The following HEATR1 variants were observed in gnomAD, a reference collection of about 807,000 sequenced individuals.
HEATR1 encodes the protein HEAT repeat containing 1, also known as HEAT repeat-containing protein 1.
In HEATR1, 77 loss-of-function variants were observed where a neutral mutation model predicts 248.2. The ratio of observed to expected loss-of-function variants is 0.31; its 90% CI spans 0.26 to 0.37. The LOEUF (loss-of-function observed/expected upper bound fraction) is 0.37. Among genes scored for constraint, HEATR1 ranks in the 10% least tolerant of loss-of-function variants. The pLI is 1.00. For missense variants in HEATR1, 2,420 were observed against 2,504.9 expected (o/e 0.97, Z 0.72); for synonymous variants, 897 against 923.1 (o/e 0.97, Z 0.51).
chr1:236,591,855 A>T, intron 11 of HEATR1, 138 bp downstream of exon 11: 1 of 523,036 alleles, frequency 1.9e-6, no homozygotes, highest in South Asian at 3.8e-5. Context: ...ACTTCAGGCA[A>T]CTAGGCAAAC....
chr1:236,583,210 G>C lies in HEATR1; in HGVS notation c.2242-14C>G. The C allele has an allele frequency of 6.3e-7, 1 of 1,575,280 alleles. No homozygotes were observed. The highest frequency in any genetic ancestry group is 8.6e-7 in the Non-Finnish European group (1 of 1,162,390). Reference sequence around the variant, plus strand: ...TGAGGGGATTTCCTGAAATGTTAAAGGAAACAAAAACTAGTACAAACTAAG... The same window carrying C: ...TGAGGGGATTTCCTGAAATGTTAAACGAAACAAAAACTAGTACAAACTAAG... On this transcript the variant is annotated splice_polypyrimidine_tract_variant and intron_variant, in intron 17 of 44. Transcript: ENST00000366582.
chr1:236,557,423 A>T lies in HEATR1; in HGVS notation c.5205-78T>A, dbSNP rs1663008438. ...GGAATGGAGTAGAGGGCATTATGAA[A>T]AAAACCAGCAAACTGTGCCTATTAC... On this transcript the variant is annotated intron_variant, in intron 36 of 44. Coordinates refer to ENST00000366582, the MANE Select transcript of HEATR1 (RefSeq NM_018072.6). 6 of 1,461,688 alleles carry T rather than the reference A, an allele frequency of 4.1e-6. No homozygotes were observed. In the South Asian group the frequency reaches 6.5e-5, roughly 16 times the overall value. 90.5% of individuals were successfully genotyped at this position (1,461,688 alleles called of 1,614,324 possible).
intron 26 of HEATR1, among the ~76,000 whole-genome samples, 173 bp downstream of exon 26, chr1:236,572,238 T>C (rs922579655): frequency 1.1e-4 from 17 of 152,180 alleles, no homozygotes; most frequent in Admixed American, 9.8e-4. Context: ...TAAGGTCAGT[T>C]TGGGGCACCA....
intron 28 of HEATR1, among the ~76,000 whole-genome samples, chr1:236,570,826 C>T (rs1160585331): frequency 6.6e-6 from 1 of 152,006 alleles, no homozygotes; most frequent in Non-Finnish European, 1.5e-5. Context: ...TGGAGAACCC[C>T]AGGTTAAGGA....
In HEATR1 at chr1:236,558,888, T is replaced by C. The variant is rs1663048110; in HGVS notation, c.4911+107A>G. The C allele has an allele frequency of 6.3e-6, 6 of 957,742 alleles. No individual in the cohort carries two copies. In the South Asian group the frequency reaches 1.1e-4, roughly 17 times the overall value. The allele number at this position is 957,742 out of a possible 1,614,324, so 59.3% of individuals were successfully genotyped here. A position where few individuals can be genotyped will look rare whatever the true frequency, so the allele number is the denominator to read the frequency against. On this transcript the variant is annotated intron_variant, in intron 35 of 44. Transcript: ENST00000366582. ...TCATGGTATTATATTCAGAAAATAA[T>C]ATACTTCAATTTGAAATTGTACCAC...
rs1214468369 is a variant in HEATR1, at chr1:236,583,103, G to C, written c.2335C>G (p.Gln779Glu). ...ACCGAGTCCTCCACGGCCACCCTCT[G>C]AGTGCTGTTGAGCTCTTCTACATAA... ...AHYVEELNST[Q>E]RVAVEDSVFL... Residue 779 changes from glutamine (Q) to glutamate (E), a missense_variant, in exon 18 of 45, where the codon CAG (glutamine) becomes GAG (glutamate). Coordinates refer to ENST00000366582, the MANE Select transcript of HEATR1 (RefSeq NM_018072.6). 2 of 1,613,962 alleles carry C rather than the reference G, an allele frequency of 1.2e-6. No individual in the cohort carries two copies. The highest frequency in any genetic ancestry group is 4.5e-5 in the East Asian group (2 of 44,888).
At chr1:236,583,241 T>C in intron 17 of HEATR1, 45 bp from the exon 18 acceptor site, 1 of 1,490,276 alleles carries the variant, frequency 6.7e-7, no homozygotes, top group Non-Finnish European at 9.1e-7. Flanking sequence ...CTAAGGGTTC[T>C]GAACATGGGT....
At chr1:236,563,439 G>A (rs143532481) in intron 32 of HEATR1, among the ~76,000 whole-genome samples, 3,738 of 151,928 alleles carry the variant, frequency 0.025, 129 homozygotes, top group East Asian at 0.14. Flanking sequence ...CCACCACCAC[G>A]CCCGGCTAAT....
intron 36 of HEATR1, 116 bp from the exon 37 acceptor site, chr1:236,557,461 T>C (rs2799404): frequency 0.7 from 711,139 of 1,010,944 alleles, 252,634 homozygotes; most frequent in Non-Finnish European, 0.73. Context: ...CGCTATCTGC[T>C]TCATAGCCTA....
rs926550184 is a variant in HEATR1 at position 236,604,138 on chromosome 1, G to A, written c.-32-11C>T. The A allele has an allele frequency of 3.3e-5, 51 of 1,529,056 alleles. No individual in the cohort carries two copies. The highest frequency in any genetic ancestry group is 4.4e-5 in the Non-Finnish European group (50 of 1,146,410). The allele number at this position is 1,529,056 out of a possible 1,614,324, so 94.7% of individuals were successfully genotyped here. ...TTTTAATGACACGGGCTAAAAAAAC[G>A]TAAGCACTTTGATAAGTTTCTACGA... is the stretch of plus-strand genomic sequence containing the variant. On this transcript the variant is annotated splice_polypyrimidine_tract_variant and intron_variant, in intron 1 of 44. Transcript: ENST00000366582.
intron 15 of HEATR1, 61 bp downstream of exon 15, chr1:236,586,180 T>C: frequency 7.1e-7 from 1 of 1,401,742 alleles, no homozygotes. Context: ...ATTTTAAATT[T>C]TCCTTGTTTT....
intron 33 of HEATR1, 143 bp from the exon 34 acceptor site, chr1:236,559,980 A>T: frequency 1.1e-6 from 1 of 887,074 alleles, no homozygotes; most frequent in Non-Finnish European, 1.6e-6. Context: ...ACTCGGAAAG[A>T]AAGGAAATGA....
At position 236,561,408 on chromosome 1, in the gene HEATR1, G is replaced by A. The variant is rs1441144575; in HGVS notation, c.4600-137C>T. 4 of 711,010 alleles carry A rather than the reference G, an allele frequency of 5.6e-6. No individual in the cohort carries two copies. The East Asian group carries it at 9.9e-5, about 18-fold the overall frequency. 44.0% of individuals were successfully genotyped at this position (711,010 alleles called of 1,614,324 possible). ...TTTTCTGACATTACAATTTAATCAG[G>A]TTCATATCATCTTCATTATACTGTA... is the stretch of plus-strand genomic sequence containing the variant. On this transcript the variant is annotated intron_variant, in intron 32 of 44. Coordinates refer to ENST00000366582, the MANE Select transcript of HEATR1 (RefSeq NM_018072.6).
intron 26 of HEATR1, among the ~76,000 whole-genome samples, 177 bp from the exon 27 acceptor site, chr1:236,571,863 T>C (rs905345986): frequency 1.3e-5 from 2 of 152,190 alleles, no homozygotes; most frequent in Non-Finnish European, 2.9e-5. Flanking sequence ...TAACTCTAAT[T>C]TTCTCTCATA....
At chr1:236,551,157 A>T in intron 44 of HEATR1, 167 bp from the exon 45 acceptor site, 1 of 577,408 alleles carries the variant, frequency 1.7e-6, no homozygotes, top group Non-Finnish European at 3.0e-6. Flanking sequence ...GCCTCCCTCC[A>T]CACCGCTCCT....
At chr1:236,581,634 G>A (rs1663744525) in intron 19 of HEATR1, among the ~76,000 whole-genome samples, 1 of 152,148 alleles carries the variant, frequency 6.6e-6, no homozygotes, top group Non-Finnish European at 1.5e-5. Context: ...CCTTGCACTT[G>A]AAAACACAGA....
In HEATR1 at chr1:236,599,278, G is replaced by A. The variant is rs556404362; in HGVS notation, c.501+205C>T. Among the ~76,000 whole-genome samples, 5 of 152,214 alleles carry A rather than the reference G, an allele frequency of 3.3e-5. No individual in the cohort carries two copies. The South Asian group carries it at 1.0e-3, about 32-fold the overall frequency. On this transcript the variant is annotated intron_variant, in intron 4 of 44. Coordinates refer to ENST00000366582, the MANE Select transcript of HEATR1 (RefSeq NM_018072.6). ...TTGTGATAATCCAAGATAATATAAT[G>A]TACATTGCCTAGCCTGATGTCAGAT...
intron 9 of HEATR1, 58 bp from the exon 10 acceptor site, chr1:236,592,691 C>A: frequency 1.5e-6 from 1 of 653,380 alleles, no homozygotes; most frequent in Admixed American, 2.8e-5. Context: ...TATTGAGTAC[C>A]TACTATATTC....
chr1:236,601,153 A>C (rs966295603), intron 3 of HEATR1, among the ~76,000 whole-genome samples: 1 of 152,134 alleles, frequency 6.6e-6, no homozygotes, highest in South Asian at 2.1e-4. Context: ...TGATTGCCCT[A>C]ATGTTCTGAC....
Sources: allele counts gnomAD v4.1 joint callset (sites outside exome capture counted in the v4.1 genomes callset), GRCh38; gene constraint gnomAD v4.1.1; transcripts MANE v1.5; gene names NCBI Gene and HGNC (gene_info 2026-07-23, HGNC 2026-07-21).